The following SEPTIN8 variants were observed in gnomAD, a reference collection of about 807,000 sequenced individuals.
SEPTIN8 encodes the protein septin-8.
SEPTIN8 carries 22 observed loss-of-function variants against 53.1 expected under a neutral mutation model. That is an observed-to-expected ratio of 0.41 (90% CI 0.30 to 0.59). SEPTIN8 has a LOEUF of 0.59. Among genes scored for constraint, SEPTIN8 ranks in the 20% least tolerant of loss-of-function variants. SEPTIN8 has a pLI of 0.24. For synonymous variants in SEPTIN8, 228 were observed against 248.4 expected, an observed-to-expected ratio of 0.92 and a Z score of 0.77; for missense variants, 536 against 638.7, an observed-to-expected ratio of 0.84 and a Z score of 1.73.
Position 132,761,895 on chromosome 5 carries a change from G to C in SEPTIN8, c.698C>G (p.Ala233Gly). 2 of 1,586,660 alleles carry C rather than the reference G, an allele frequency of 1.3e-6. No individual in the cohort carries two copies. Among genetic ancestry groups the C allele is most frequent in the Non-Finnish European group, 1.7e-6 (2 of 1,166,108 alleles). Residue 233 changes from alanine (A) to glycine (G), a missense_variant and splice_region_variant, in exon 6 of 10, where the codon GCA becomes GGA. Around this residue, in one of 3 missense-constraint regions of SEPTIN8, gnomAD observed 395 missense variants for 451.8 expected, o/e 0.87. Transcript: ENST00000378719. The surrounding 1 kb of genome is among the most constrained non-coding windows in gnomAD (Gnocchi z 5.8). Reference protein sequence around the residue: ...AVAEINAVMNAHLPFAVVGST... With the variant: ...AVAEINAVMNGHLPFAVVGST... ...GCCCACCACGGCAAAGGGCAGATGT[G>C]CCTGGAAAGGGGCCCGGGTATGCGT...
rs775222273 is a variant in SEPTIN8, at chr5:132,764,239, A to G, written c.332T>C (p.Ile111Thr). 1 of 1,613,232 alleles carries G rather than the reference A, an allele frequency of 6.2e-7. No homozygotes were observed. The highest frequency in any genetic ancestry group is 8.5e-7 in the Non-Finnish European group (1 of 1,179,562). The change falls in exon 3 of 10, where the codon ATC becomes ACC. Residue 111 changes from isoleucine (I) to threonine (T), a missense_variant. By Grantham distance (89) the Ile-to-Thr change is moderately conservative. Around this residue, in one of 3 missense-constraint regions of SEPTIN8, gnomAD observed 395 missense variants for 451.8 expected, o/e 0.87. Transcript: ENST00000378719. Reference sequence around the variant, plus strand: ...CGCCTCTTGCCTCTCATCCTTATTGATCTGATCCCCAAAGCCCACGGCATC... The same window carrying G: ...CGCCTCTTGCCTCTCATCCTTATTGGTCTGATCCCCAAAGCCCACGGCATC... Reference protein sequence around the residue: ...IVDAVGFGDQINKDESYRPIV... With the variant: ...IVDAVGFGDQTNKDESYRPIV...
chr5:132,775,883 C>T (rs944939588), intron 1 of SEPTIN8: 6 of 152,186 alleles, frequency 3.9e-5, no homozygotes, highest in Non-Finnish European at 7.3e-5. Flanking sequence ...TTTAAACTTA[C>T]TTAACTGACA....
chr5:132,755,645 C>T (rs1241523330), intron 9 of SEPTIN8, among the ~76,000 whole-genome samples: 1 of 152,136 alleles, frequency 6.6e-6, no homozygotes, highest in Non-Finnish European at 1.5e-5. Flanking sequence ...TCCTGGCACT[C>T]GAATATTAGT....
chr5:132,761,899 G>A lies in SEPTIN8; in HGVS notation c.697-3C>T. 6.3e-7 allele frequency: 1 copy of A among 1,583,044 alleles called. No homozygotes were observed. The highest frequency in any genetic ancestry group is 8.6e-7 in the Non-Finnish European group (1 of 1,164,110). ...ACCACGGCAAAGGGCAGATGTGCCT[G>A]GAAAGGGGCCCGGGTATGCGTAAGC... On this transcript the variant is annotated splice_polypyrimidine_tract_variant and splice_region_variant and intron_variant, in intron 5 of 9. Transcript: ENST00000378719. The surrounding 1 kb of genome is among the most constrained non-coding windows in gnomAD (Gnocchi z 5.8).
At chr5:132,772,605 G>A (rs1330120471) in intron 1 of SEPTIN8, among the ~76,000 whole-genome samples, 1 of 152,232 alleles carries the variant, frequency 6.6e-6, no homozygotes, top group Non-Finnish European at 1.5e-5. Context: ...CCCTTGGAGG[G>A]AGAATGTGGG....
chr5:132,777,433 G>C (rs1332817834), upstream of SEPTIN8: 2 of 995,954 alleles, frequency 2.0e-6, no homozygotes, highest in Non-Finnish European at 2.4e-6. The surrounding 1 kb of genome is among the most constrained non-coding windows in gnomAD (Gnocchi z 4.1). Flanking sequence ...GGGACTGCTG[G>C]GACTTGTAGT....
chr5:132,761,223 A>G lies in SEPTIN8; in HGVS notation c.1005T>C (p.Ser335=). The G allele has an allele frequency of 6.2e-7, 1 of 1,614,008 alleles. No homozygotes were observed. Among genetic ancestry groups the G allele is most frequent in the Non-Finnish European group, 8.5e-7 (1 of 1,180,008 alleles). The change falls in exon 8 of 10, where the codon AGT becomes AGC. Residue 335 remains serine, a synonymous_variant. Coordinates refer to ENST00000378719, the MANE Select transcript of SEPTIN8 (RefSeq NM_001098811.2). The surrounding 1 kb of genome is among the most constrained non-coding windows in gnomAD (Gnocchi z 5.8). The stretch of plus-strand genomic sequence containing the variant: ...TCTCTTCCTCCTTCCTCTGCAGCTC[A>G]CTTAGGAACTCCTTCCTCTTGGCCT... ...TYEAKRKEFL[S]ELQRKEEEMR...
At chr5:132,756,550 T>C in intron 9 of SEPTIN8, 1 of 985,446 alleles carries the variant, frequency 1.0e-6, no homozygotes, top group Non-Finnish European at 1.2e-6. Context: ...GGGGGCTAAC[T>C]TACTAAACAG....
intron 9 of SEPTIN8, chr5:132,758,054 G>A: frequency 1.0e-6 from 1 of 995,684 alleles, no homozygotes; most frequent in Non-Finnish European, 1.2e-6. Flanking sequence ...CAACAGCTTT[G>A]GGCTGCTGTT....
Position 132,762,645 on chromosome 5 carries a change from C to T in SEPTIN8, c.535G>A (p.Val179Met). The T allele has an allele frequency of 6.2e-7, 1 of 1,614,194 alleles. No individual in the cohort carries two copies. The highest frequency in any genetic ancestry group is 8.5e-7 in the Non-Finnish European group (1 of 1,180,016). Residue 179 changes from valine (V) to methionine (M), a missense_variant and splice_region_variant, in exon 5 of 10, where the codon GTG (valine) becomes ATG (methionine). Val to Met is a conservative substitution (Grantham distance 21). Around this residue, in one of 3 missense-constraint regions of SEPTIN8, gnomAD observed 395 missense variants for 451.8 expected, o/e 0.87. Coordinates refer to ENST00000378719, the MANE Select transcript of SEPTIN8 (RefSeq NM_001098811.2). ...TTGGCGATGATGGGAATAATGTTCA[C>T]CTGCCAGGATCAGGGGAGGGGACAG... ...LVTMKKLDSKVNIIPIIAKAD... is the reference protein window; with the variant it reads ...LVTMKKLDSKMNIIPIIAKAD...
intron 9 of SEPTIN8, chr5:132,757,337 CGTGCCTCG>C (rs1755436158): frequency 1.0e-6 from 1 of 985,310 alleles, no homozygotes; most frequent in South Asian, 4.7e-5. Context: ...TCTTCCTGGC[CGTGCCTCG>C]GTGGACACAC....
chr5:132,758,400 T>C (rs1329344465), intron 9 of SEPTIN8: 1 of 1,527,096 alleles, frequency 6.5e-7, no homozygotes, highest in Non-Finnish European at 8.8e-7. Context: ...GCAGCATGTA[T>C]ACCAGACCAC....
At chr5:132,754,101 AT>A in intron 9 of SEPTIN8, 1 of 321,320 alleles carries the variant, frequency 3.1e-6, no homozygotes, top group South Asian at 4.2e-5. Context: ...ATACATCTGT[AT>A]TTTTTCTTGA....
Position 132,776,898 on chromosome 5 carries a change from G to A in SEPTIN8, c.30+210C>T, listed in dbSNP as rs745497464. Among the ~76,000 whole-genome samples the A allele has an allele frequency of 5.3e-5, 8 of 152,062 alleles. No homozygotes were observed. The highest frequency in any genetic ancestry group is 1.0e-4 in the Non-Finnish European group (7 of 67,974). The stretch of plus-strand genomic sequence containing the variant: ...TGCCTGCGCCCCAGGAAGCGACCCC[G>A]ACCAGCCGCCCGGCAAGGCAGGCCG... On this transcript the variant is annotated intron_variant, in intron 1 of 9. Coordinates refer to ENST00000378719, the MANE Select transcript of SEPTIN8 (RefSeq NM_001098811.2). This position sits in a 1 kb window ranked among gnomAD's most constrained non-coding sequence, Gnocchi z 4.4.
At chr5:132,779,461 C>G (rs1758005929), upstream of SEPTIN8, among the ~76,000 whole-genome samples, 1 of 152,198 alleles carries the variant, frequency 6.6e-6, no homozygotes, top group Admixed American at 6.5e-5. Context: ...GGGGAATATA[C>G]AGCTCTACCC....
chr5:132,753,080 C>A, intron 9 of SEPTIN8: 2 of 865,468 alleles, frequency 2.3e-6, no homozygotes, highest in Non-Finnish European at 3.6e-6. Flanking sequence ...GAAGGTGGCT[C>A]TGGAAGAGCA....
chr5:132,751,651 T>TG lies in SEPTIN8; in HGVS notation c.*364_*365insC. On this transcript the variant is annotated 3_prime_UTR_variant, in exon 10 of 10. Transcript: ENST00000378719. ...TTATGATAAGCAGATACAAGTAACTTTTCTGCTACCTTGGTCTTGAATAGT... is the reference window on the plus strand; with the variant it reads ...TTATGATAAGCAGATACAAGTAACTTGTTCTGCTACCTTGGTCTTGAATAGT... 4.7e-6 allele frequency: 2 copies of TG among 422,404 alleles called. No individual in the cohort carries two copies. Among genetic ancestry groups the TG allele is most frequent in the Non-Finnish European group, 8.4e-6 (2 of 238,946 alleles). The allele number at this position is 422,404 out of a possible 1,614,324, so 26.2% of individuals were successfully genotyped here.
At chr5:132,753,770 CCA>C (rs1755065400) in intron 9 of SEPTIN8, 1 of 152,390 alleles carries the variant, frequency 6.6e-6, no homozygotes, top group Non-Finnish European at 1.5e-5. Flanking sequence ...CCTGCTCCAA[CCA>C]CAGTGCTGCC....
intron 4 of SEPTIN8, 85 bp downstream of exon 4, chr5:132,763,621 A>T: frequency 7.7e-7 from 1 of 1,304,268 alleles, no homozygotes; most frequent in Non-Finnish European, 1.1e-6. Context: ...CCTGAGGACC[A>T]TGGTGTTCAG....
Sources: allele counts gnomAD v4.1 joint callset (sites outside exome capture counted in the v4.1 genomes callset), GRCh38; gene constraint gnomAD v4.1.1; regional missense constraint gnomAD v4.1.1; non-coding constraint Gnocchi (gnomAD v3.1); transcripts MANE v1.5; gene names NCBI Gene and HGNC (gene_info 2026-07-23, HGNC 2026-07-21).